The following NAV1 variants were observed in gnomAD, a reference collection of about 807,000 sequenced individuals.
The protein encoded by NAV1 is pore membrane and/or filament interacting like protein 3.
Under a neutral mutation model 175.2 loss-of-function variants are expected in NAV1, and 18 were observed. That is an observed-to-expected ratio of 0.10 (90% confidence interval 0.07 to 0.15). The LOEUF (loss-of-function observed/expected upper bound fraction) is 0.15. NAV1 is among the 10% of genes least tolerant of loss of function. The probability of loss-of-function intolerance (pLI) is 1.00; values close to 1 mark genes in which losing one functional copy is unlikely to be tolerated. For missense variants in NAV1, 1,731 were observed against 2,436.6 expected, an observed-to-expected ratio of 0.71 and a Z score of 6.10; for synonymous variants, 897 against 978.7, an observed-to-expected ratio of 0.92 and a Z score of 1.56.
chr1:201,634,577 C>G lies in NAV1; in HGVS notation c.4+5070C>G, dbSNP rs535660553. Among the ~76,000 whole-genome samples the G allele has an allele frequency of 1.9e-4, 29 of 152,312 alleles. No individual in the cohort carries two copies. The East Asian group carries it at 3.1e-3, about 16-fold the overall frequency. ...AGATAAGTAAGGTCATCCGAGGTAC[C>G]TGCTGGAGGGGTTTGAAATAGAAAC... On this transcript the variant is annotated intron_variant, in intron 2 of 29. Coordinates refer to the NAV1 transcript ENST00000367302.
At chr1:201,793,056 C>T (rs931677270) in intron 13 of NAV1, 1 of 152,370 alleles carries the variant, frequency 6.6e-6, no homozygotes, top group Non-Finnish European at 1.5e-5. Context: ...ATTCCCTTTA[C>T]CTTGCCTATA....
intron 3 of NAV1, among the ~76,000 whole-genome samples, chr1:201,766,969 G>A (rs970667671): frequency 2.4e-4 from 37 of 151,508 alleles, no homozygotes; most frequent in African/African-American, 8.2e-4. Flanking sequence ...TTACAGGCAC[G>A]CACCACCACA....
upstream of NAV1, among the ~76,000 whole-genome samples, chr1:201,647,254 A>T (rs553058918): frequency 2.2e-4 from 33 of 152,298 alleles, no homozygotes; most frequent in African/African-American, 7.7e-4. Flanking sequence ...AGACTACTCC[A>T]TCTGGCTCTT....
At chr1:201,763,972 C>T (rs534651388) in intron 3 of NAV1, among the ~76,000 whole-genome samples, 1 of 152,184 alleles carries the variant, frequency 6.6e-6, no homozygotes, top group Non-Finnish European at 1.5e-5. Context: ...TATTTCGCTG[C>T]CAAGTCCAAG....
Position 201,787,946 on chromosome 1 carries a change from C to G in NAV1, c.2996-522C>G, listed in dbSNP as rs1487960651. Among the ~76,000 whole-genome samples the G allele has an allele frequency of 6.6e-6, 1 of 152,192 alleles. No homozygotes were observed. The highest frequency in any genetic ancestry group is 1.5e-5 in the Non-Finnish European group (1 of 68,014). Reference sequence around the variant, plus strand: ...GCCAACCCAGTCACTCAGAGTGACACTACTTTGTGGGGAGATTCTCACGCC... The same window carrying G: ...GCCAACCCAGTCACTCAGAGTGACAGTACTTTGTGGGGAGATTCTCACGCC... On this transcript the variant is annotated intron_variant, in intron 9 of 29. Coordinates refer to ENST00000367296, the Ensembl canonical transcript of NAV1. This position sits in a 1 kb window ranked among gnomAD's most constrained non-coding sequence, Gnocchi z 4.3.
intron 3 of NAV1, among the ~76,000 whole-genome samples, chr1:201,731,157 G>A (rs1171770712): frequency 2.0e-5 from 3 of 151,466 alleles, no homozygotes; most frequent in Admixed American, 6.6e-5. Context: ...AGGTAGGAGA[G>A]GCTGACACGG....
intron 1 of NAV1, among the ~76,000 whole-genome samples, chr1:201,564,660 G>A (rs144717704): frequency 2.4e-4 from 37 of 152,306 alleles, no homozygotes; most frequent in African/African-American, 8.9e-4. Flanking sequence ...GGTTTTCTAG[G>A]CTGCTGTAAC....
At position 201,610,113 on chromosome 1, in the gene NAV1, C is replaced by T. The variant is rs571225197; in HGVS notation, c.-32-12740C>T. The stretch of plus-strand genomic sequence containing the variant: ...ACTCAGGGTGAAGGAAGCTGTGTGC[C>T]GGCTGCACCTGCTTCCCATGCCAGC... On this transcript the variant is annotated intron_variant, in intron 2 of 33. Coordinates refer to the NAV1 transcript ENST00000685211. Among the ~76,000 whole-genome samples, 9 of 152,306 alleles carry T rather than the reference C, an allele frequency of 5.9e-5. No individual in the cohort carries two copies. In the East Asian group the frequency reaches 1.2e-3, roughly 20 times the overall value.
intron 1 of NAV1, among the ~76,000 whole-genome samples, chr1:201,680,045 A>G (rs1294219440): frequency 6.6e-6 from 1 of 152,204 alleles, no homozygotes; most frequent in Non-Finnish European, 1.5e-5. Flanking sequence ...TGGCCAGTTT[A>G]TAAAGAAAAC....
intron 3 of NAV1, among the ~76,000 whole-genome samples, chr1:201,772,849 C>T (rs1008578280): frequency 5.9e-5 from 9 of 151,856 alleles, no homozygotes; most frequent in African/African-American, 1.5e-4. Context: ...CTGGCTAACA[C>T]GGTGAAACCC....
At chr1:201,648,204 T>C, upstream of NAV1, 1 of 993,998 alleles carries the variant, frequency 1.0e-6, no homozygotes, top group Non-Finnish European at 1.2e-6. Context: ...TCGGGCTGGC[T>C]GGCTGGCTGA....
At chr1:201,658,069 G>A (rs993080727) in intron 1 of NAV1, among the ~76,000 whole-genome samples, 3 of 152,086 alleles carry the variant, frequency 2.0e-5, no homozygotes, top group Non-Finnish European at 4.4e-5. Flanking sequence ...TAAAGCAAGC[G>A]AGCAACAGAG....
At chr1:201,751,391 G>A (rs546617094) in intron 3 of NAV1, among the ~76,000 whole-genome samples, 45 of 152,286 alleles carry the variant, frequency 3.0e-4, no homozygotes, top group African/African-American at 7.9e-4. Flanking sequence ...TTTGTTCCAC[G>A]GCTGAGGGCA....
In NAV1 at chr1:201,718,386, C is replaced by A. The variant is rs772190124; in HGVS notation, c.861-4C>A. The A allele has an allele frequency of 5.2e-6, 8 of 1,533,232 alleles. No individual in the cohort carries two copies. Among genetic ancestry groups the A allele is most frequent in the Non-Finnish European group, 7.0e-6 (8 of 1,135,334 alleles). 95.0% of individuals were successfully genotyped at this position (1,533,232 alleles called of 1,614,324 possible). On this transcript the variant is annotated splice_polypyrimidine_tract_variant and splice_region_variant and intron_variant, in intron 2 of 29. Coordinates refer to ENST00000367296, the Ensembl canonical transcript of NAV1. This position sits in a 1 kb window ranked among gnomAD's most constrained non-coding sequence, Gnocchi z 4.8. The stretch of plus-strand genomic sequence containing the variant: ...CTAAGTAGTGCCTTCTGCTCTCCAC[C>A]CAGCTCCCTGGAGATGACCTGCTAC...
At chr1:201,583,630 A>G (rs974058838) in intron 1 of NAV1, among the ~76,000 whole-genome samples, 6 of 152,202 alleles carry the variant, frequency 3.9e-5, no homozygotes, top group African/African-American at 1.4e-4. Context: ...TGGGCAAACA[A>G]TTGACCTTTT....
chr1:201,640,516 A>G (rs183369676), intron 2 of NAV1, among the ~76,000 whole-genome samples: 6 of 152,324 alleles, frequency 3.9e-5, no homozygotes, highest in South Asian at 4.1e-4. Context: ...TGTCTCCCAG[A>G]AGTGTGGTGA....
chr1:201,607,979 G>A (rs377488499), intron 2 of NAV1, among the ~76,000 whole-genome samples: 2 of 151,184 alleles, frequency 1.3e-5, no homozygotes, highest in East Asian at 3.9e-4. Flanking sequence ...ACTTAGTGGG[G>A]TGATAACTTG....
intron 3 of NAV1, chr1:201,739,514 C>T (rs973315842): frequency 3.3e-5 from 5 of 153,168 alleles, no homozygotes; most frequent in Non-Finnish European, 7.3e-5. Flanking sequence ...TCTGCCCAGG[C>T]CTCCCCAACT....
chr1:201,741,088 T>C (rs1673390780), intron 3 of NAV1, among the ~76,000 whole-genome samples: 1 of 152,218 alleles, frequency 6.6e-6, no homozygotes, highest in South Asian at 2.1e-4. Flanking sequence ...TGTAACATGC[T>C]CCTGCGTCCT....
Sources: gnomAD v4.1 joint callset for allele counts (sites outside exome capture counted in the v4.1 genomes callset) on GRCh38, gnomAD v4.1.1 for gene constraint, Gnocchi (gnomAD v3.1) non-coding constraint, MANE v1.5 for transcripts, NCBI Gene and HGNC (gene_info 2026-07-23, HGNC 2026-07-21) for gene names.